Variants in OR3A2 observed in about 807,000 individuals in gnomAD.
OR3A2 encodes olfactory receptor 3A2.
For synonymous variants in OR3A2, 126 were observed against 159.3 expected, an observed-to-expected ratio of 0.79 and a Z score of 1.57; for missense variants, 318 against 392.8, an observed-to-expected ratio of 0.81 and a Z score of 1.61.
At chr17:3,332,522 A>T (rs1048888822) in intron 3 of OR3A2, among the ~76,000 whole-genome samples, 1 of 152,182 alleles carries the variant, frequency 6.6e-6, no homozygotes, top group African/African-American at 2.4e-5. Flanking sequence ...GACCCCTTGC[A>T]CTTCCCAAGT....
chr17:3,365,813 A>G (rs983923880), intron 2 of OR3A2, among the ~76,000 whole-genome samples: 2 of 152,248 alleles, frequency 1.3e-5, no homozygotes, highest in African/African-American at 2.4e-5. Context: ...CATTTCTTTA[A>G]TTGCATGCAA....
intron 2 of OR3A2, among the ~76,000 whole-genome samples, chr17:3,347,744 C>A (rs1002963843): frequency 7.2e-5 from 11 of 152,160 alleles, no homozygotes; most frequent in African/African-American, 2.7e-4. Flanking sequence ...ATTTATAGTC[C>A]TTTGGGTATA....
chr17:3,372,057 A>C (rs1214145864), intron 2 of OR3A2, among the ~76,000 whole-genome samples: 1 of 131,872 alleles, frequency 7.6e-6, no homozygotes, highest in Non-Finnish European at 1.6e-5. Flanking sequence ...GGGGCTCCTC[A>C]CTTCTCAGAC....
intron 2 of OR3A2, among the ~76,000 whole-genome samples, chr17:3,345,253 T>G (rs2150649940): frequency 6.6e-6 from 1 of 152,314 alleles, no homozygotes; most frequent in African/African-American, 2.4e-5. Flanking sequence ...GACATTCATC[T>G]ACTAATAGAG....
chr17:3,371,719 G>T (rs371750846), intron 2 of OR3A2, among the ~76,000 whole-genome samples: 26,668 of 131,414 alleles, frequency 0.2, 3,080 homozygotes, highest in East Asian at 0.47. Flanking sequence ...CCTCCCTCCC[G>T]GACGGGGCAG....
chr17:3,330,812 G>C (rs1173238080), intron 3 of OR3A2, among the ~76,000 whole-genome samples: 1 of 151,778 alleles, frequency 6.6e-6, no homozygotes, highest in East Asian at 1.9e-4. Flanking sequence ...TATTCTCGAT[G>C]GTCTTTAAAT....
intron 3 of OR3A2, among the ~76,000 whole-genome samples, chr17:3,313,162 C>T (rs1222772383): frequency 6.6e-6 from 1 of 152,112 alleles, no homozygotes; most frequent in African/African-American, 2.4e-5. Context: ...ACTATCGTGG[C>T]CATTTCTAGA....
chr17:3,284,172 C>G (rs1258593492), intron 1 of OR3A2, among the ~76,000 whole-genome samples, 186 bp downstream of exon 3: 1 of 149,076 alleles, frequency 6.7e-6, no homozygotes, highest in African/African-American at 2.5e-5. Context: ...CAGGCTTCAT[C>G]TGAGAGAGGC....
At chr17:3,332,692 G>C (rs1039238882) in intron 3 of OR3A2, among the ~76,000 whole-genome samples, 1 of 152,212 alleles carries the variant, frequency 6.6e-6, no homozygotes, top group Non-Finnish European at 1.5e-5. Context: ...CTGTAGACCA[G>C]AGCTGTTCCT....
chr17:3,342,095 G>C (rs2049323817), intron 2 of OR3A2, among the ~76,000 whole-genome samples: 1 of 152,010 alleles, frequency 6.6e-6, no homozygotes, highest in Non-Finnish European at 1.5e-5. Flanking sequence ...TAGTTCTTGT[G>C]TCACGGTTTT....
chr17:3,336,682 T>C (rs1395040940), intron 2 of OR3A2, among the ~76,000 whole-genome samples: 1 of 152,228 alleles, frequency 6.6e-6, no homozygotes, highest in African/African-American at 2.4e-5. Flanking sequence ...AATCTTACAC[T>C]GTCTGGGTTG....
At chr17:3,354,414 AG>A (rs2049446507) in intron 2 of OR3A2, among the ~76,000 whole-genome samples, 1 of 151,280 alleles carries the variant, frequency 6.6e-6, no homozygotes, top group African/African-American at 2.4e-5. Context: ...AGAAAAGTAA[AG>A]GTTTTTATTT....
At chr17:3,355,014 A>C (rs1474341822) in intron 2 of OR3A2, among the ~76,000 whole-genome samples, 1 of 151,332 alleles carries the variant, frequency 6.6e-6, no homozygotes, top group African/African-American at 2.4e-5. Flanking sequence ...TTATTGGCCC[A>C]CTGGTCATTC....
intron 2 of OR3A2, among the ~76,000 whole-genome samples, chr17:3,355,867 T>C (rs1422550657): frequency 1.3e-5 from 2 of 151,386 alleles, no homozygotes; most frequent in African/African-American, 4.9e-5. Context: ...TGTTTTCTGG[T>C]TGCTTTATGG....
chr17:3,347,771 G>C (rs1567563216), intron 2 of OR3A2, among the ~76,000 whole-genome samples: 1 of 152,164 alleles, frequency 6.6e-6, no homozygotes, highest in Non-Finnish European at 1.5e-5. Flanking sequence ...GTAATGGGAT[G>C]GCTGGGTCAA....
chr17:3,278,430 G>C, exon 2 of OR3A2: 5 of 1,614,244 alleles, frequency 3.1e-6, no homozygotes, highest in Non-Finnish European at 4.2e-6. Flanking sequence ...CATGGCCACA[G>C]TGTGGGTCAG....
intron 2 of OR3A2, among the ~76,000 whole-genome samples, chr17:3,345,570 A>G (rs767716292): frequency 5.3e-5 from 8 of 152,122 alleles, no homozygotes; most frequent in Non-Finnish European, 1.0e-4. Flanking sequence ...CAATATCACA[A>G]AAACAGTTCT....
At chr17:3,338,523 T>C (rs962950119) in intron 2 of OR3A2, among the ~76,000 whole-genome samples, 2 of 152,244 alleles carry the variant, frequency 1.3e-5, no homozygotes, top group African/African-American at 4.8e-5. Context: ...ATTTATTAAA[T>C]AGGGAATCCT....
chr17:3,332,983 A>T (rs2049250974), intron 3 of OR3A2, among the ~76,000 whole-genome samples: 1 of 152,190 alleles, frequency 6.6e-6, no homozygotes, highest in African/African-American at 2.4e-5. Flanking sequence ...GGAACAAGGG[A>T]AGACAACCAT....
Sources: allele counts gnomAD v4.1 joint callset (sites outside exome capture counted in the v4.1 genomes callset), GRCh38; gene constraint gnomAD v4.1.1; transcripts MANE v1.5; gene names NCBI Gene and HGNC (gene_info 2026-07-23, HGNC 2026-07-21).